SEPTIN9: variants seen among roughly 807,000 people sequenced by gnomAD.
The protein encoded by SEPTIN9 is septin-9.
A neutral mutation model predicts 56.6 loss-of-function variants in SEPTIN9; 13 were observed. The observed-to-expected ratio is 0.23, with a 90% confidence interval of 0.15 to 0.37. The LOEUF is 0.37. SEPTIN9 is among the 10% of genes least tolerant of loss of function. The pLI, the probability that SEPTIN9 is intolerant of heterozygous loss-of-function variation, is 1.00. For synonymous variants in SEPTIN9, 332 were observed against 334.1 expected (o/e 0.99, Z 0.07); for missense variants, 650 against 823.1 (o/e 0.79, Z 2.57).
At chr17:77,491,460 A>C (rs549880204) in intron 8 of SEPTIN9, among the ~76,000 whole-genome samples, 2 of 151,452 alleles carry the variant, frequency 1.3e-5, no homozygotes, top group East Asian at 4.1e-4. Context: ...AGCCTCCCAA[A>C]GTGCTGGGGT....
intron 1 of SEPTIN9, among the ~76,000 whole-genome samples, chr17:77,293,373 G>A (rs1230318446): frequency 6.6e-6 from 1 of 152,132 alleles, no homozygotes; most frequent in East Asian, 1.9e-4. Flanking sequence ...TGTTGCCCAG[G>A]TTGGTCTTGT....
Position 77,435,125 on chromosome 17 carries a change from C to T in SEPTIN9, c.721+32422C>T, listed in dbSNP as rs990217933. Among the ~76,000 whole-genome samples, 1 of 152,186 alleles carries T rather than the reference C, an allele frequency of 6.6e-6. No homozygotes were observed. The highest frequency in any genetic ancestry group is 2.4e-5 in the African/African-American group (1 of 41,442). ...ATTGATTCTGTTGTTATTCCCATTT[C>T]ACCGATGAGGAACCCACAGCCCAGA... On this transcript the variant is annotated intron_variant, in intron 3 of 11. Transcript: ENST00000427177. This position sits in a 1 kb window ranked among gnomAD's most constrained non-coding sequence, Gnocchi z 4.5.
At chr17:77,360,621 G>A (rs184316223) in intron 2 of SEPTIN9, among the ~76,000 whole-genome samples, 52 of 151,856 alleles carry the variant, frequency 3.4e-4, no homozygotes, top group African/African-American at 1.3e-3. Context: ...CTGGCGTGGA[G>A]TGATGCGATC....
intron 3 of SEPTIN9, among the ~76,000 whole-genome samples, chr17:77,406,014 T>G (rs187545647): frequency 3.5e-4 from 54 of 152,344 alleles, no homozygotes; most frequent in Non-Finnish European, 6.0e-4. Flanking sequence ...CCCAGCCCCT[T>G]GGCTTCTGCC....
chr17:77,494,342 C>T (rs921689856), intron 10 of SEPTIN9, among the ~76,000 whole-genome samples: 1 of 152,210 alleles, frequency 6.6e-6, no homozygotes, highest in Non-Finnish European at 1.5e-5. Context: ...CTCTCTCTGT[C>T]CCTTCATTTC....
intron 2 of SEPTIN9, among the ~76,000 whole-genome samples, chr17:77,333,944 T>C (rs2033451579): frequency 6.6e-6 from 1 of 152,120 alleles, no homozygotes; most frequent in Non-Finnish European, 1.5e-5. Context: ...TAAAATTATG[T>C]TGTTTCAAGA....
At chr17:77,338,564 G>C (rs1404562462) in intron 2 of SEPTIN9, among the ~76,000 whole-genome samples, 1 of 152,044 alleles carries the variant, frequency 6.6e-6, no homozygotes, top group East Asian at 1.9e-4. Flanking sequence ...GACTACAGGT[G>C]CCTGCCACCA....
chr17:77,449,763 C>A lies in SEPTIN9; in HGVS notation c.722-32381C>A, dbSNP rs148824139. ...CAGTGGAAAAGACAGGCTCTTCTCA[C>A]TCCCAGTGCTGGGGAAATTAGCTTC... On this transcript the variant is annotated intron_variant, in intron 3 of 11. Coordinates refer to ENST00000427177, the MANE Select transcript of SEPTIN9 (RefSeq NM_001113491.2). This position sits in a 1 kb window ranked among gnomAD's most constrained non-coding sequence, Gnocchi z 4.6. Among the ~76,000 whole-genome samples, 3 of 152,162 alleles carry A rather than the reference C, an allele frequency of 2.0e-5. No individual in the cohort carries two copies. The highest frequency in any genetic ancestry group is 4.4e-5 in the Non-Finnish European group (3 of 68,020).
intron 3 of SEPTIN9, among the ~76,000 whole-genome samples, chr17:77,467,553 G>A (rs777431469): frequency 1.6e-4 from 24 of 152,100 alleles, no homozygotes; most frequent in Non-Finnish European, 3.2e-4. Context: ...ATCCCACACT[G>A]ACCATTTCCT....
intron 3 of SEPTIN9, among the ~76,000 whole-genome samples, chr17:77,443,271 G>A (rs1269988116): frequency 6.6e-6 from 1 of 152,122 alleles, no homozygotes; most frequent in Non-Finnish European, 1.5e-5. Context: ...TTGGCTCAAG[G>A]GGAAATGAGG....
At chr17:77,427,449 C>A (rs2144257709) in intron 3 of SEPTIN9, among the ~76,000 whole-genome samples, 1 of 152,290 alleles carries the variant, frequency 6.6e-6, no homozygotes, top group Non-Finnish European at 1.5e-5. Context: ...ACTGGGTTTT[C>A]CCTTCACTGT....
chr17:77,457,790 C>G (rs185586957), intron 3 of SEPTIN9, among the ~76,000 whole-genome samples: 1 of 152,270 alleles, frequency 6.6e-6, no homozygotes, highest in Non-Finnish European at 1.5e-5. Flanking sequence ...CCCTGGTGCC[C>G]TCCCTCAGTG....
intron 3 of SEPTIN9, among the ~76,000 whole-genome samples, chr17:77,460,780 C>T (rs569131864): frequency 1.5e-4 from 23 of 152,256 alleles, no homozygotes; most frequent in African/African-American, 2.4e-4. Flanking sequence ...ATCTTGCATC[C>T]GGGGAGTGGG....
intron 2 of SEPTIN9, among the ~76,000 whole-genome samples, chr17:77,308,831 G>C (rs958051053): frequency 5.9e-5 from 9 of 152,242 alleles, no homozygotes; most frequent in Non-Finnish European, 1.2e-4. Flanking sequence ...CTTTTTACAG[G>C]GAGTGGGAGT....
rs1598483288 is a variant in SEPTIN9, at chr17:77,299,341, A to G, written c.20-7800A>G. 3.9e-5 allele frequency among the ~76,000 whole-genome samples: 6 copies of G among 152,388 alleles called. 2 individuals are homozygous for G. The highest frequency in any genetic ancestry group is 3.9e-4 in the Admixed American group (6 of 15,308). ...ACAATGAATTCAGTTTGAATTTCAG[A>G]TAAACAAGGATTAATTTTTAGTATA... On this transcript the variant is annotated intron_variant, in intron 1 of 11. Transcript: ENST00000427177.
At position 77,402,403 on chromosome 17, in the gene SEPTIN9, A is replaced by G. The variant is rs1191655651; in HGVS notation, c.421A>G (p.Lys141Glu). The G allele has an allele frequency of 1.2e-6, 2 of 1,611,350 alleles. No homozygotes were observed. Among genetic ancestry groups the G allele is most frequent in the Non-Finnish European group, 8.5e-7 (1 of 1,179,254 alleles). Residue 141 changes from lysine (K) to glutamate (E), a missense_variant, in exon 3 of 12, where the codon AAG becomes GAG. By Grantham distance (56) the Lys-to-Glu change is moderately conservative. Transcript: ENST00000427177. This position sits in a 1 kb window ranked among gnomAD's most constrained non-coding sequence, Gnocchi z 6.6. Reference protein sequence around the residue: ...GLKRAEVLGHKTPEPAPRRTE... With the variant: ...GLKRAEVLGHETPEPAPRRTE... Reference sequence around the variant, plus strand: ...CAAGAGGGCCGAGGTGTTGGGCCACAAGACGCCAGAACCGGCCCCTCGGAG... The same window carrying G: ...CAAGAGGGCCGAGGTGTTGGGCCACGAGACGCCAGAACCGGCCCCTCGGAG...
chr17:77,281,830 G>A (rs1212073380), intron 1 of SEPTIN9: 1 of 459,756 alleles, frequency 2.2e-6, no homozygotes, highest in Non-Finnish European at 3.8e-6. Context: ...ACCCTCGCAG[G>A]AATCGCTGAC....
rs1250681271 is a variant in SEPTIN9 at position 77,425,854 on chromosome 17, C to T, written c.721+23151C>T. On this transcript the variant is annotated intron_variant, in intron 3 of 11. Coordinates refer to ENST00000427177, the MANE Select transcript of SEPTIN9 (RefSeq NM_001113491.2). This position sits in a 1 kb window ranked among gnomAD's most constrained non-coding sequence, Gnocchi z 4.2. ...CCAGCTGTGTCTGACCCTGGTTGTG[C>T]GGTCTTGGACAGTCCCAGCCCTCCT... 6.6e-6 allele frequency among the ~76,000 whole-genome samples: 1 copy of T among 152,198 alleles called. No homozygotes were observed. Among genetic ancestry groups the T allele is most frequent in the Non-Finnish European group, 1.5e-5 (1 of 68,036 alleles).
chr17:77,451,517 T>A lies in SEPTIN9; in HGVS notation c.722-30627T>A. 3 of 985,798 alleles carry A rather than the reference T, an allele frequency of 3.0e-6. No individual in the cohort carries two copies. The highest frequency in any genetic ancestry group is 3.6e-6 in the Non-Finnish European group (3 of 830,226). The allele number at this position is 985,798 out of a possible 1,614,324, so 61.1% of individuals were successfully genotyped here. On this transcript the variant is annotated intron_variant, in intron 3 of 11. Transcript: ENST00000427177. This position sits in a 1 kb window ranked among gnomAD's most constrained non-coding sequence, Gnocchi z 4.2. ...CGGCGCGTCCAGCGCAGCCCGACGT[T>A]CCGCTGCTGGGGTGAGTCCTGCTCC...
Sources: gnomAD v4.1 joint callset for allele counts (sites outside exome capture counted in the v4.1 genomes callset) on GRCh38, gnomAD v4.1.1 for gene constraint, Gnocchi (gnomAD v3.1) non-coding constraint, MANE v1.5 for transcripts, NCBI Gene and HGNC (gene_info 2026-07-23, HGNC 2026-07-21) for gene names.